DIAPH2: variants seen among roughly 807,000 people sequenced by gnomAD.
DIAPH2 encodes diaphanous related formin 2.
DIAPH2 carries 35 observed loss-of-function variants against 92.7 expected under a neutral mutation model. The ratio of observed to expected loss-of-function variants is 0.38; its 90% CI spans 0.29 to 0.50. DIAPH2 has a LOEUF of 0.50. DIAPH2 is among the 20% of genes least tolerant of loss of function. The probability of loss-of-function intolerance (pLI) is 0.94; values close to 1 mark genes in which losing one functional copy is unlikely to be tolerated. For synonymous variants in DIAPH2, 301 were observed against 280.4 expected, an observed-to-expected ratio of 1.07 and a Z score of -0.73; for missense variants, 701 against 819.5, an observed-to-expected ratio of 0.86 and a Z score of 1.77.
chrX:96,844,154 A>G (rs897684736), intron 4 of DIAPH2, among the ~76,000 whole-genome samples: 2 of 112,567 alleles, frequency 1.8e-5, no homozygotes, highest in Admixed American at 1.9e-4. Flanking sequence ...GCTAAAATGT[A>G]ATTTCAATAT....
intron 21 of DIAPH2, 110 bp from the exon 22 acceptor site, chrX:97,141,555 C>A: frequency 2.3e-6 from 2 of 861,643 alleles, no homozygotes; most frequent in Non-Finnish European, 3.1e-6. Flanking sequence ...GAACCTACCC[C>A]AAAGTTTTAA....
At chrX:96,972,790 G>A (rs1294896399) in intron 17 of DIAPH2, among the ~76,000 whole-genome samples, 1 of 110,653 alleles carries the variant, frequency 9.0e-6, no homozygotes, top group African/African-American at 3.3e-5. Context: ...AGGAAAGACG[G>A]CATTCTAGCT....
Position 96,839,300 on chromosome X carries a change from T to C in DIAPH2, c.448-42279T>C, listed in dbSNP as rs1001200418. On this transcript the variant is annotated intron_variant, in intron 4 of 26. Transcript: ENST00000324765. ...CTAAATGCCTATACCATTCCCCCCA[T>C]TGCGCTTAAATGTTTCTTTTTGCCA... 6.3e-5 allele frequency among the ~76,000 whole-genome samples: 7 copies of C among 110,973 alleles called. No individual in the cohort carries two copies. The South Asian group carries it at 2.7e-3, about 43-fold the overall frequency.
intron 23 of DIAPH2, among the ~76,000 whole-genome samples, chrX:97,282,327 A>G (rs1196672668): frequency 9.0e-6 from 1 of 111,516 alleles, no homozygotes; most frequent in Non-Finnish European, 1.9e-5. Context: ...GGAGTTTCGC[A>G]CTGTCGCTTG....
chrX:97,420,529 C>T (rs768428015), intron 25 of DIAPH2, among the ~76,000 whole-genome samples: 7 of 111,815 alleles, frequency 6.3e-5, no homozygotes, highest in Non-Finnish European at 1.3e-4. Context: ...TTTGATGATT[C>T]ACCTCACTAT....
At chrX:97,583,847 C>T (rs1320836334) in intron 26 of DIAPH2, among the ~76,000 whole-genome samples, 4 of 112,242 alleles carry the variant, frequency 3.6e-5, no homozygotes, top group East Asian at 2.8e-4. Flanking sequence ...TAGGGCCCTC[C>T]GAGCCAGGTG....
At chrX:96,939,597 TATATACACACACACAC>T (rs2065686848) in intron 12 of DIAPH2, among the ~76,000 whole-genome samples, 1 of 59,083 alleles carries the variant, frequency 1.7e-5, no homozygotes, top group East Asian at 4.8e-4. Context: ...TGTGTGTGTG[TATATACACACACACAC>T]ACATATACAC....
chrX:96,845,021 G>A (rs1354079447), intron 4 of DIAPH2, among the ~76,000 whole-genome samples: 2 of 111,899 alleles, frequency 1.8e-5, no homozygotes, highest in Non-Finnish European at 3.8e-5. Context: ...CTTTACATAT[G>A]GGCTGGTCTC....
chrX:96,814,256 C>T (rs1383640909), intron 4 of DIAPH2, among the ~76,000 whole-genome samples: 7 of 111,689 alleles, frequency 6.3e-5, no homozygotes, highest in Non-Finnish European at 9.4e-5. Context: ...CTTCTCCTCT[C>T]GCTTTATTTC....
At chrX:97,234,245 C>G (rs180828846) in intron 22 of DIAPH2, among the ~76,000 whole-genome samples, 2 of 104,136 alleles carry the variant, frequency 1.9e-5, no homozygotes, top group Non-Finnish European at 3.9e-5. Context: ...GCAGGAGAAT[C>G]GTTTGAACCT....
intron 4 of DIAPH2, among the ~76,000 whole-genome samples, chrX:96,875,564 C>T (rs1004571107): frequency 2.1e-4 from 23 of 111,055 alleles, no homozygotes; most frequent in Non-Finnish European, 3.0e-4. Flanking sequence ...CTATAATTTG[C>T]GGTATATTCT....
intron 4 of DIAPH2, among the ~76,000 whole-genome samples, chrX:96,846,201 G>T (rs2064970969): frequency 9.3e-6 from 1 of 107,722 alleles, no homozygotes; most frequent in East Asian, 2.9e-4. Context: ...AGGCTGGAGT[G>T]CAATGGTGCA....
rs1459950979 is a variant in DIAPH2, at chrX:97,603,238, T to A, written c.*3921T>A. 2 of 109,848 alleles carry A rather than the reference T, an allele frequency of 1.8e-5. No homozygotes were observed. The highest frequency in any genetic ancestry group is 1.9e-4 in the Admixed American group (2 of 10,273). The allele number at this position is 109,848 out of a possible 1,213,427, so 9.1% of individuals were successfully genotyped here. On this transcript the variant is annotated 3_prime_UTR_variant, in exon 27 of 27. Coordinates refer to ENST00000324765, the MANE Select transcript of DIAPH2 (RefSeq NM_006729.5). ...GATTCCTTTTGTCCACTTATATAGT[T>A]ATTTTCTCTTTAAAAAAAAATTTTT...
chrX:97,468,306 C>G (rs778964461), intron 26 of DIAPH2, among the ~76,000 whole-genome samples: 1 of 111,191 alleles, frequency 9.0e-6, no homozygotes, highest in Non-Finnish European at 1.9e-5. Context: ...AATGGTTGTC[C>G]AAAGTACATA....
intron 22 of DIAPH2, among the ~76,000 whole-genome samples, chrX:97,187,027 T>C (rs148112711): frequency 0.023 from 2,570 of 111,710 alleles, 81 homozygotes; most frequent in African/African-American, 0.08. Context: ...TTTTCTCAAG[T>C]TGATTGTTAC....
At chrX:97,314,673 AGG>A in intron 23 of DIAPH2, among the ~76,000 whole-genome samples, 1 of 111,804 alleles carries the variant, frequency 8.9e-6, no homozygotes, top group South Asian at 3.8e-4. Context: ...TCTATACTGT[AGG>A]GGCTGATTTC....
intron 26 of DIAPH2, among the ~76,000 whole-genome samples, chrX:97,434,495 G>A (rs191065928): frequency 1.6e-3 from 169 of 105,392 alleles, no homozygotes; most frequent in African/African-American, 5.6e-3. Flanking sequence ...TGCAACCTCC[G>A]CCTCCCAGGT....
At chrX:96,777,466 CAAGTTTCAGGA>C (rs1375751101) in intron 4 of DIAPH2, among the ~76,000 whole-genome samples, 1 of 110,006 alleles carries the variant, frequency 9.1e-6, no homozygotes, top group Non-Finnish European at 1.9e-5. Context: ...AACATATCAA[CAAGTTTCAGGA>C]AATCTTGTAA....
At chrX:97,533,248 T>G in intron 26 of DIAPH2, 1 of 111,556 alleles carries the variant, frequency 9.0e-6, no homozygotes, top group Middle Eastern at 4.7e-3. Flanking sequence ...AATGTATCAT[T>G]AATGTAATAC....
Sources: allele counts gnomAD v4.1 joint callset (sites outside exome capture counted in the v4.1 genomes callset), GRCh38; gene constraint gnomAD v4.1.1; transcripts MANE v1.5; gene names NCBI Gene and HGNC (gene_info 2026-07-23, HGNC 2026-07-21).